GNE: variants seen among roughly 807,000 people sequenced by gnomAD.
GNE encodes bifunctional UDP-N-acetylglucosamine 2-epimerase/N-acetylmannosamine kinase.
Under a neutral mutation model 61.8 loss-of-function variants are expected in GNE, and 41 were observed. The observed-to-expected ratio is 0.66, with a 90% CI of 0.52 to 0.86. The LOEUF (loss-of-function observed/expected upper bound fraction) is 0.86, where lower values mean the gene tolerates loss of function less well. GNE is among the 40% of genes least tolerant of loss of function. The pLI, the probability that GNE is intolerant of heterozygous loss-of-function variation, is 0.00. For synonymous variants in GNE, 264 were observed against 326.4 expected (o/e 0.81, Z 2.06); for missense variants, 608 against 909.1 (o/e 0.67, Z 4.26).
chr9:36,219,072 TG>T (rs1243751184), intron 10 of GNE, among the ~76,000 whole-genome samples: 3 of 152,114 alleles, frequency 2.0e-5, no homozygotes, highest in Non-Finnish European at 4.4e-5. Flanking sequence ...CATCAACTGG[TG>T]GTCTCCTGTC....
chr9:36,256,339 G>C (rs1475771089), intron 1 of GNE, among the ~76,000 whole-genome samples: 1 of 147,506 alleles, frequency 6.8e-6, no homozygotes, highest in Non-Finnish European at 1.5e-5. Flanking sequence ...CCGCTTCCTG[G>C]GTTCAAGCGA....
intron 1 of GNE, among the ~76,000 whole-genome samples, chr9:36,274,472 C>T (rs893967979): frequency 6.6e-6 from 1 of 152,078 alleles, no homozygotes; most frequent in South Asian, 2.1e-4. Context: ...TGTACCTAGT[C>T]TTCTCTGCCC....
chr9:36,276,642 G>GA (rs753234844), intron 1 of GNE, among the ~76,000 whole-genome samples: 8 of 152,214 alleles, frequency 5.3e-5, no homozygotes, highest in Non-Finnish European at 1.0e-4. Flanking sequence ...GGAATCTGGA[G>GA]AAAAGAGTTC....
At chr9:36,239,155 C>G (rs907106019) in intron 3 of GNE, among the ~76,000 whole-genome samples, 3 of 152,118 alleles carry the variant, frequency 2.0e-5, no homozygotes, top group Non-Finnish European at 4.4e-5. Context: ...AGTTTGAAAT[C>G]AGGTAGTGTG....
At chr9:36,230,760 C>T (rs760592622) in intron 5 of GNE, among the ~76,000 whole-genome samples, 4 of 151,082 alleles carry the variant, frequency 2.6e-5, no homozygotes, top group African/African-American at 4.9e-5. Flanking sequence ...CCTGGGTTCA[C>T]GCTAAAATTT....
chr9:36,268,712 T>G (rs767411080), intron 1 of GNE, among the ~76,000 whole-genome samples: 2 of 152,064 alleles, frequency 1.3e-5, no homozygotes, highest in Non-Finnish European at 2.9e-5. Flanking sequence ...TTCTGGACTT[T>G]AAAGGAACTA....
At chr9:36,273,047 T>G (rs1476978957) in intron 1 of GNE, among the ~76,000 whole-genome samples, 1 of 151,014 alleles carries the variant, frequency 6.6e-6, no homozygotes, top group Non-Finnish European at 1.5e-5. Flanking sequence ...ATTGCACCAC[T>G]GCACTTAGAG....
Position 36,236,947 on chromosome 9 carries a change from T to C in GNE, c.654A>G (p.Leu218=). The C allele has an allele frequency of 6.2e-7, 1 of 1,611,732 alleles. No homozygotes were observed. Among genetic ancestry groups the C allele is most frequent in the Non-Finnish European group, 8.5e-7 (1 of 1,177,796 alleles). The change falls in exon 4 of 12, where the codon CTA becomes CTG. Residue 218 remains leucine, a synonymous_variant. Coordinates refer to ENST00000642385, the MANE Select transcript of GNE (RefSeq NM_005476.7). The part of the protein sequence containing the change: ...DVKSKDYIVA[L]QHPVTTDIKH... ...TAATGTCAGTGGTCACAGGGTGCTG[T>C]AGTGCAACAATGTAATCTTTAGATT...
intron 9 of GNE, among the ~76,000 whole-genome samples, chr9:36,221,931 C>CTGTA (rs1281146360): frequency 6.6e-6 from 1 of 152,158 alleles, no homozygotes; most frequent in Admixed American, 6.5e-5. Flanking sequence ...GTCCACACTC[C>CTGTA]CAGTACTGGT....
chr9:36,264,121 T>C (rs1345471941), intron 1 of GNE, among the ~76,000 whole-genome samples: 1 of 152,018 alleles, frequency 6.6e-6, no homozygotes, highest in Non-Finnish European at 1.5e-5. Context: ...ATCTTTTTAT[T>C]TATTTATTTA....
chr9:36,232,863 C>T (rs1829234450), intron 5 of GNE, among the ~76,000 whole-genome samples: 2 of 152,158 alleles, frequency 1.3e-5, no homozygotes, highest in Admixed American at 1.3e-4. Context: ...GTGCCTAGTA[C>T]ATGGTAGGTG....
At chr9:36,274,966 C>T (rs1202073869) in intron 1 of GNE, among the ~76,000 whole-genome samples, 1 of 152,138 alleles carries the variant, frequency 6.6e-6, no homozygotes, top group Non-Finnish European at 1.5e-5. Flanking sequence ...CCTCGTGATC[C>T]GCCGGACTCG....
intron 1 of GNE, among the ~76,000 whole-genome samples, chr9:36,256,808 T>C (rs1830370651): frequency 6.6e-6 from 1 of 152,234 alleles, no homozygotes; most frequent in African/African-American, 2.4e-5. Flanking sequence ...AATAGGTTTC[T>C]TCACATGTAT....
At chr9:36,260,878 A>C (rs1360754933), upstream of GNE, among the ~76,000 whole-genome samples, 9 of 149,196 alleles carry the variant, frequency 6.0e-5, no homozygotes, top group Non-Finnish European at 1.2e-4. Context: ...CAAAAAAAAA[A>C]AAAAAAAAAA....
In GNE at chr9:36,272,248, AAGG is replaced by A. The variant is rs1831055259; in HGVS notation, c.51+4643_51+4645del. On this transcript the variant is annotated intron_variant, in intron 1 of 11. Transcript: ENST00000396594. Reference sequence around the variant, plus strand: ...CAAGGGCCTTGCATGATGTTATGCTAAGGAGGTTAGACTTTCCCTCACTATAAT... The same window carrying A: ...CAAGGGCCTTGCATGATGTTATGCTAAGGTTAGACTTTCCCTCACTATAAT... Among the ~76,000 whole-genome samples the A allele has an allele frequency of 3.9e-5, 6 of 152,190 alleles. No individual in the cohort carries two copies. In the South Asian group the frequency reaches 1.2e-3, roughly 32 times the overall value.
At chr9:36,276,553 G>A (rs1831268574) in intron 1 of GNE, among the ~76,000 whole-genome samples, 2 of 152,104 alleles carry the variant, frequency 1.3e-5, no homozygotes, top group South Asian at 4.1e-4. Flanking sequence ...AACTTTGCAT[G>A]TTTTGGAAAT....
chr9:36,226,615 C>T (rs911439892), intron 7 of GNE, among the ~76,000 whole-genome samples: 1 of 152,198 alleles, frequency 6.6e-6, no homozygotes, highest in African/African-American at 2.4e-5. Context: ...CATTTAAAAT[C>T]TTTGCTATTT....
rs1228600814 is a variant in GNE, at chr9:36,246,494, G to A, written c.165-12C>T. 7 of 1,585,434 alleles carry A rather than the reference G, an allele frequency of 4.4e-6. No homozygotes were observed. In the East Asian group the frequency reaches 1.3e-4, roughly 30 times the overall value. On this transcript the variant is annotated splice_polypyrimidine_tract_variant and intron_variant, in intron 2 of 11. Coordinates refer to ENST00000642385, the MANE Select transcript of GNE (RefSeq NM_005476.7). ...TTCGATATGTATTTCTAAAGCCGGG[G>A]AGAAATAAAGATATAAGAACATGTT...
At chr9:36,239,424 T>A (rs1829540787) in intron 3 of GNE, among the ~76,000 whole-genome samples, 1 of 152,098 alleles carries the variant, frequency 6.6e-6, no homozygotes, top group Non-Finnish European at 1.5e-5. Context: ...TGTTTCCATT[T>A]GTTCATGTTG....
Sources: gnomAD v4.1 joint callset for allele counts (sites outside exome capture counted in the v4.1 genomes callset) on GRCh38, gnomAD v4.1.1 for gene constraint, MANE v1.5 for transcripts, NCBI Gene and HGNC (gene_info 2026-07-23, HGNC 2026-07-21) for gene names.